The following ACOX1 variants were observed in gnomAD, a reference collection of about 807,000 sequenced individuals.
The protein encoded by ACOX1 is acyl-CoA oxidase 1, also known as peroxisomal acyl-coenzyme A oxidase 1.
A neutral mutation model predicts 75.5 loss-of-function variants in ACOX1; 41 were observed. That is an observed-to-expected ratio of 0.54 (90% CI 0.42 to 0.70). The LOEUF (loss-of-function observed/expected upper bound fraction) is 0.70. Among genes scored for constraint, ACOX1 ranks in the 30% least tolerant of loss-of-function variants. The pLI is 0.00. For missense variants in ACOX1, 630 were observed against 837.5 expected (o/e 0.75, Z 3.06); for synonymous variants, 303 against 298.8 (o/e 1.01, Z -0.15).
At chr17:75,956,045 A>C in intron 4 of ACOX1, 98 bp from the exon 5 acceptor site, 4 of 1,521,504 alleles carry the variant, frequency 2.6e-6, no homozygotes, top group Non-Finnish European at 3.6e-6. Flanking sequence ...CTAACACTAG[A>C]CTAAACCAAT....
rs567983519 is a variant in ACOX1 at position 75,949,412 on chromosome 17, A to G, written c.1585-52T>C. ...TTTGAGAACCTTGGAAAAAGATTCA[A>G]TATACAGTGACTAGGGTTTCTGTAC... On this transcript the variant is annotated intron_variant, in intron 11 of 13. Transcript: ENST00000293217. 24 of 1,613,118 alleles carry G rather than the reference A, an allele frequency of 1.5e-5. No homozygotes were observed. The East Asian group carries it at 4.9e-4, about 33-fold the overall frequency.
In ACOX1 at chr17:75,942,429, C is replaced by CCA. The variant is rs2065680350; in HGVS notation, c.*4318_*4319insTG. 1 of 66,632 alleles carries CCA rather than the reference C, an allele frequency of 1.5e-5. No individual in the cohort carries two copies. Among genetic ancestry groups the CCA allele is most frequent in the Admixed American group, 1.8e-4 (1 of 5,440 alleles). The allele number at this position is 66,632 out of a possible 1,614,324, so 4.1% of individuals were successfully genotyped here. On this transcript the variant is annotated 3_prime_UTR_variant, in exon 14 of 14. Transcript: ENST00000293217. Reference sequence around the variant, plus strand: ...TGGGTGAAAGAGCAAGACAACGTCTCAAAAAAAAAAAAAAAAAAAAAAGCA... The same window carrying CCA: ...TGGGTGAAAGAGCAAGACAACGTCTCCAAAAAAAAAAAAAAAAAAAAAAAGCA...
At chr17:75,977,288 G>A (rs868144956) in intron 2 of ACOX1, among the ~76,000 whole-genome samples, 13 of 152,126 alleles carry the variant, frequency 8.5e-5, no homozygotes, top group Middle Eastern at 6.8e-3. Flanking sequence ...GAGCCACTGT[G>A]CCCGGCCCGA....
intron 6 of ACOX1, among the ~76,000 whole-genome samples, chr17:75,954,689 A>T (rs1466297909): frequency 1.4e-5 from 2 of 144,558 alleles, no homozygotes; most frequent in Admixed American, 7.3e-5. Context: ...CTCCTGCCTC[A>T]GCCTCCTGAG....
chr17:75,967,836 G>A (rs753152736), intron 2 of ACOX1, among the ~76,000 whole-genome samples: 13 of 150,278 alleles, frequency 8.7e-5, no homozygotes, highest in Non-Finnish European at 1.9e-4. Context: ...CACCTCCCAG[G>A]TTCAAGCGAT....
rs1417244399 is a variant in ACOX1, at chr17:75,950,440, C to T, written c.1298+334G>A. 6.6e-6 allele frequency among the ~76,000 whole-genome samples: 1 copy of T among 151,986 alleles called. No individual in the cohort carries two copies. The highest frequency in any genetic ancestry group is 1.5e-5 in the Non-Finnish European group (1 of 68,006). Reference sequence around the variant, plus strand: ...TTTTTTTGTATTTTTTTAGTAGAGACACGGTTTCACCATGTTGATCAAGCT... The same window carrying T: ...TTTTTTTGTATTTTTTTAGTAGAGATACGGTTTCACCATGTTGATCAAGCT... On this transcript the variant is annotated intron_variant, in intron 9 of 13. Coordinates refer to ENST00000293217, the MANE Select transcript of ACOX1 (RefSeq NM_004035.7). This position sits in a 1 kb window ranked among gnomAD's most constrained non-coding sequence, Gnocchi z 4.3.
chr17:75,961,324 G>A, intron 2 of ACOX1, among the ~76,000 whole-genome samples: 1 of 149,872 alleles, frequency 6.7e-6, no homozygotes, highest in Non-Finnish European at 1.5e-5. Context: ...GAGAGAATTT[G>A]AAAAGTTGTA....
intron 2 of ACOX1, among the ~76,000 whole-genome samples, chr17:75,967,541 G>A (rs549660408): frequency 1.4e-4 from 21 of 149,376 alleles, no homozygotes; most frequent in African/African-American, 5.1e-4. Flanking sequence ...AGAGAAGGAT[G>A]TGTTAAATAT....
Position 75,957,468 on chromosome 17 carries a change from G to A in ACOX1, c.529C>T (p.Pro177Ser). Residue 177 changes from proline (P) to serine (S), a missense_variant, in exon 4 of 14, where the codon CCT becomes TCT. Coordinates refer to ENST00000293217, the MANE Select transcript of ACOX1 (RefSeq NM_004035.7). ...TGAAAAATTCACTTACGCCCACCAGGCCACCATTTAATGGAGGTCACAGTA... is the reference window on the plus strand; with the variant it reads ...TGAAAAATTCACTTACGCCCACCAGACCACCATTTAATGGAGGTCACAGTA... ...SPTVTSIKWW[P>S]GGLGKTSNHA... The A allele has an allele frequency of 6.2e-7, 1 of 1,613,242 alleles. No individual in the cohort carries two copies. Among genetic ancestry groups the A allele is most frequent in the Non-Finnish European group, 8.5e-7 (1 of 1,179,244 alleles).
In ACOX1 at chr17:75,943,839, T is replaced by C. The variant is rs1229825732; in HGVS notation, c.*2909A>G. The C allele has an allele frequency of 1.3e-5, 2 of 152,190 alleles. No homozygotes were observed. Among genetic ancestry groups the C allele is most frequent in the Admixed American group, 6.6e-5 (1 of 15,260 alleles). 9.4% of individuals were successfully genotyped at this position (152,190 alleles called of 1,614,324 possible). Reference sequence around the variant, plus strand: ...TTGCAAATAGCCAACACATTTCTATTAAACCTCACATTTTCAATTTTGTAT... The same window carrying C: ...TTGCAAATAGCCAACACATTTCTATCAAACCTCACATTTTCAATTTTGTAT... On this transcript the variant is annotated 3_prime_UTR_variant, in exon 14 of 14. Transcript: ENST00000293217.
At chr17:75,967,691 T>TAC (rs767196911) in intron 2 of ACOX1, among the ~76,000 whole-genome samples, 1 of 131,870 alleles carries the variant, frequency 7.6e-6, no homozygotes, top group African/African-American at 2.9e-5. Context: ...CGTATATATA[T>TAC]ACATACATAT....
Position 75,960,152 on chromosome 17 carries a change from C to T in ACOX1, c.430+63G>A, listed in dbSNP as rs2065874115. On this transcript the variant is annotated intron_variant, in intron 3 of 13. Transcript: ENST00000293217. This position sits in a 1 kb window ranked among gnomAD's most constrained non-coding sequence, Gnocchi z 4.4. ...CACCATCGATGGCACATGGTGGGCACTCCACACATGGTAAGCTCACAGGGG... is the reference window on the plus strand; with the variant it reads ...CACCATCGATGGCACATGGTGGGCATTCCACACATGGTAAGCTCACAGGGG... The T allele has an allele frequency of 6.2e-7, 1 of 1,601,554 alleles. No homozygotes were observed. Among genetic ancestry groups the T allele is most frequent in the African/African-American group, 1.3e-5 (1 of 74,776 alleles).
intron 2 of ACOX1, among the ~76,000 whole-genome samples, chr17:75,961,465 C>CAAAAAAAAAAAAAAAAAA (rs142857967): frequency 2.0e-5 from 1 of 50,782 alleles, no homozygotes; most frequent in Non-Finnish European, 3.6e-5. Context: ...ACTAAAAATA[C>CAAAAAAAAAAAAAAAAAA]AAAAAAAAAA....
In ACOX1 at chr17:75,948,280, C is replaced by A. The variant is rs780185070; in HGVS notation, c.1906G>T (p.Ala636Ser). Residue 636 changes from alanine to serine, a missense_variant, in exon 13 of 14, where the codon GCT (alanine) becomes TCT (serine). Ala to Ser is a moderately conservative substitution (Grantham distance 99). This residue lies in a region of ACOX1 where 240 missense variants were observed against 262.7 expected (regional missense o/e 0.91). Transcript: ENST00000293217. Reference protein sequence around the residue: ...GNVYENLFEWAKNSPLNKAEV... With the variant: ...GNVYENLFEWSKNSPLNKAEV... ...GCTTTGTTCAGTGGGGAGTTCTTAG[C>A]CCACTCAAACAAGTTTTCATACACA... 3 of 1,614,122 alleles carry A rather than the reference C, an allele frequency of 1.9e-6. No individual in the cohort carries two copies. In the South Asian group the frequency reaches 3.3e-5, roughly 18 times the overall value.
At chr17:75,973,531 A>C in intron 2 of ACOX1, 1 of 1,334,704 alleles carries the variant, frequency 7.5e-7, no homozygotes, top group Non-Finnish European at 1.1e-6. Flanking sequence ...ATAGAATCCC[A>C]AACAGGTAGC....
intron 2 of ACOX1, among the ~76,000 whole-genome samples, chr17:75,963,695 T>C (rs867275044): frequency 7.5e-6 from 1 of 134,088 alleles, no homozygotes; most frequent in Non-Finnish European, 1.6e-5. Flanking sequence ...AGACTCTATC[T>C]AAAAAAAAAA....
rs746514379 is a variant in ACOX1, at chr17:75,978,850, C to T, written c.109+115G>A. The stretch of plus-strand genomic sequence containing the variant: ...AGGCTGTTCCTCGAAGTGGGGGTCC[C>T]GGCTCCCCTAACGCTGGGCCAGAGG... On this transcript the variant is annotated intron_variant, in intron 1 of 13. Transcript: ENST00000293217. The surrounding 1 kb of genome is among the most constrained non-coding windows in gnomAD (Gnocchi z 4.2). The T allele has an allele frequency of 1.9e-6, 3 of 1,597,138 alleles. No homozygotes were observed. The highest frequency in any genetic ancestry group is 2.2e-5 in the East Asian group (1 of 44,778).
intron 7 of ACOX1, among the ~76,000 whole-genome samples, chr17:75,953,014 G>A (rs2065788697): frequency 6.6e-6 from 1 of 151,992 alleles, no homozygotes; most frequent in South Asian, 2.1e-4. Context: ...GTATCAGGGA[G>A]TATCAGTGAA....
chr17:75,964,178 CAAAAAAAA>C (rs60919786), intron 2 of ACOX1, among the ~76,000 whole-genome samples: 2 of 84,504 alleles, frequency 2.4e-5, no homozygotes, highest in Admixed American at 1.3e-4. Flanking sequence ...GACTCCATCT[CAAAAAAAA>C]AAAAAAAAAA....
Sources: allele counts gnomAD v4.1 joint callset (sites outside exome capture counted in the v4.1 genomes callset), GRCh38; gene constraint gnomAD v4.1.1; regional missense constraint gnomAD v4.1.1; non-coding constraint Gnocchi (gnomAD v3.1); transcripts MANE v1.5; gene names NCBI Gene and HGNC (gene_info 2026-07-23, HGNC 2026-07-21).